SNED1: variants seen among roughly 807,000 people sequenced by gnomAD.
The protein encoded by SNED1 is sushi, nidogen and EGF-like domain-containing protein 1.
A neutral mutation model predicts 166.7 loss-of-function variants in SNED1; 81 were observed. The observed-to-expected ratio is 0.49, with a 90% CI of 0.41 to 0.58. SNED1 has a LOEUF of 0.58. Ranked by LOEUF, SNED1 falls within the 20% of genes least tolerant of loss-of-function variation. The pLI is 0.00. For missense variants in SNED1, 1,604 were observed against 2,000.2 expected (o/e 0.80, Z 3.78); for synonymous variants, 762 against 822.0 (o/e 0.93, Z 1.25).
rs1443415673 is a variant in SNED1 at position 241,071,969 on chromosome 2, C to T, written c.3817+91C>T. The T allele has an allele frequency of 4.6e-6, 5 of 1,087,126 alleles. No homozygotes were observed. The African/African-American group carries it at 6.2e-5, about 14-fold the overall frequency. 67.3% of individuals were successfully genotyped at this position (1,087,126 alleles called of 1,614,324 possible). On this transcript the variant is annotated intron_variant, in intron 26 of 31. Transcript: ENST00000310397. ...GGTCCTGTCCCCTACATGATGAGCCCACCCCCACCGCCAGCGCAGTCTCCA... is the reference window on the plus strand; with the variant it reads ...GGTCCTGTCCCCTACATGATGAGCCTACCCCCACCGCCAGCGCAGTCTCCA...
chr2:241,064,204 GCCCGCCTGCTC>G lies in SNED1; in HGVS notation c.2599+86_2599+96del. ...TCTGCCCGCCTGCTGCCCGCCCTCT[GCCCGCCTGCTC>G]CCCGCCCTCTGCCCGCCTGCTCCCC... On this transcript the variant is annotated intron_variant, in intron 19 of 31. Coordinates refer to ENST00000310397, the MANE Select transcript of SNED1 (RefSeq NM_001080437.3). This position sits in a 1 kb window ranked among gnomAD's most constrained non-coding sequence, Gnocchi z 7.0. 1 of 981,014 alleles carries G rather than the reference GCCCGCCTGCTC, an allele frequency of 1.0e-6. No individual in the cohort carries two copies. The highest frequency in any genetic ancestry group is 1.5e-6 in the Non-Finnish European group (1 of 683,418). 60.8% of individuals were successfully genotyped at this position (981,014 alleles called of 1,614,324 possible).
rs1276420638 is a variant in SNED1 at position 240,998,823 on chromosome 2, C to T, written c.-15C>T. ...CTGCTCCGCCAGCGCCCCGTCCCGC[C>T]CGCACACCTCCGCGATGCGGCACGG... On this transcript the variant is annotated 5_prime_UTR_variant, in exon 1 of 32. Transcript: ENST00000310397. 9 of 1,183,864 alleles carry T rather than the reference C, an allele frequency of 7.6e-6. No homozygotes were observed. Among genetic ancestry groups the T allele is most frequent in the Admixed American group, 4.4e-5 (1 of 22,892 alleles). The allele number at this position is 1,183,864 out of a possible 1,614,324, so 73.3% of individuals were successfully genotyped here.
chr2:241,084,590 G>T (rs1274936151), intron 29 of SNED1, among the ~76,000 whole-genome samples: 2 of 152,170 alleles, frequency 1.3e-5, no homozygotes, highest in Non-Finnish European at 2.9e-5. Flanking sequence ...ATTATTATCA[G>T]ACTTTTTCCT....
intron 16 of SNED1, among the ~76,000 whole-genome samples, chr2:241,056,483 A>C (rs1275938148): frequency 6.6e-6 from 1 of 152,152 alleles, no homozygotes; most frequent in Non-Finnish European, 1.5e-5. Context: ...AAGAAAAAAA[A>C]CCATAGAACT....
intron 24 of SNED1, 26 bp from the exon 25 acceptor site, chr2:241,071,550 G>T: frequency 6.4e-7 from 1 of 1,568,826 alleles, no homozygotes; most frequent in East Asian, 2.3e-5. Context: ...CCCCAGACCA[G>T]CCCCTTCCTC....
chr2:241,089,482 G>A, intron 31 of SNED1: 1 of 1,509,694 alleles, frequency 6.6e-7, no homozygotes, highest in Non-Finnish European at 8.9e-7. Context: ...CCCCCTTGGG[G>A]GAAAGGTCTG....
intron 27 of SNED1, among the ~76,000 whole-genome samples, chr2:241,079,178 C>T (rs190142957): frequency 0.017 from 2,514 of 145,348 alleles, 72 homozygotes; most frequent in African/African-American, 0.061. Context: ...TTTGGGAGGC[C>T]GAGGCAGGTG....
Position 241,033,374 on chromosome 2 carries a change from C to G in SNED1, c.502-361C>G, listed in dbSNP as rs576014269. On this transcript the variant is annotated intron_variant, in intron 2 of 31. Transcript: ENST00000310397. The stretch of plus-strand genomic sequence containing the variant: ...ACGGCTCTTCCTTGCTTCTTTTTAC[C>G]TTTCCTCTTTTCCTTTTTGCAATTT... 2.0e-4 allele frequency: 39 copies of G among 197,138 alleles called. No individual in the cohort carries two copies. In the Admixed American group the frequency reaches 2.1e-3, roughly 10 times the overall value. 12.2% of individuals were successfully genotyped at this position (197,138 alleles called of 1,614,324 possible).
chr2:241,030,632 G>T (rs983507698), intron 2 of SNED1, 61 bp downstream of exon 2: 76 of 1,529,018 alleles, frequency 5.0e-5, no homozygotes, highest in Non-Finnish European at 6.3e-6. Context: ...GGGTCTCCCC[G>T]CACCAGGGCT....
intron 1 of SNED1, among the ~76,000 whole-genome samples, chr2:241,014,958 G>C (rs563374895): frequency 7.9e-5 from 12 of 152,122 alleles, no homozygotes; most frequent in African/African-American, 2.9e-4. Flanking sequence ...GGCTGTTCCC[G>C]GGCTCTCCCT....
At chr2:241,081,923 C>A in intron 28 of SNED1, 130 bp downstream of exon 28, 1 of 716,498 alleles carries the variant, frequency 1.4e-6, no homozygotes, top group Non-Finnish European at 2.4e-6. Context: ...GAGTCTGGTG[C>A]ACGGGGCTGA....
intron 16 of SNED1, among the ~76,000 whole-genome samples, chr2:241,062,234 G>C (rs1043711990): frequency 6.6e-6 from 1 of 152,130 alleles, no homozygotes; most frequent in Non-Finnish European, 1.5e-5. Flanking sequence ...GTACACGGTC[G>C]GATGAGCCCA....
At chr2:241,079,389 G>C (rs2063214385) in intron 27 of SNED1, among the ~76,000 whole-genome samples, 1 of 150,712 alleles carries the variant, frequency 6.6e-6, no homozygotes, top group Admixed American at 6.6e-5. Context: ...TCCAGCCTGG[G>C]CGACAGAGTG....
rs113259079 is a variant in SNED1 at position 241,068,519 on chromosome 2, G to A, written c.3195-392G>A. Among the ~76,000 whole-genome samples, 2,897 of 152,172 alleles carry A rather than the reference G, an allele frequency of 0.019. 76 individuals are homozygous for A. Among genetic ancestry groups the A allele is most frequent in the African/African-American group, 0.066 (2,722 of 41,444 alleles). Reference sequence around the variant, plus strand: ...AGACTCCAGCCAGCAGCTTCCTGGGGCTGGGGTGGCATTGGCCTCACGTTG... The same window carrying A: ...AGACTCCAGCCAGCAGCTTCCTGGGACTGGGGTGGCATTGGCCTCACGTTG... On this transcript the variant is annotated intron_variant, in intron 22 of 31. Coordinates refer to ENST00000310397, the MANE Select transcript of SNED1 (RefSeq NM_001080437.3). This position sits in a 1 kb window ranked among gnomAD's most constrained non-coding sequence, Gnocchi z 5.3.
In SNED1 at chr2:241,087,450, A is replaced by C; in HGVS notation, c.4180A>C (p.Thr1394Pro). Reference protein sequence around the residue: ...DICFKESCESTSLKKTPNRKQ... With the variant: ...DICFKESCESPSLKKTPNRKQ... ...CTGCTTCAAAGAGAGCTGTGAAAGC[A>C]CAAGCCTCAAGAAGACCCCAAACAG... Residue 1394 changes from threonine (T) to proline (P), a missense_variant, in exon 30 of 32, where the codon ACA becomes CCA. By Grantham distance (38) the Thr-to-Pro change is conservative (BLOSUM62 -1). This residue lies in a region of SNED1 where 367 missense variants were observed against 379.4 expected (regional missense o/e 0.97). Coordinates refer to ENST00000310397, the MANE Select transcript of SNED1 (RefSeq NM_001080437.3). 6.2e-7 allele frequency: 1 copy of C among 1,603,054 alleles called. No individual in the cohort carries two copies. Among genetic ancestry groups the C allele is most frequent in the East Asian group, 2.3e-5 (1 of 44,370 alleles).
chr2:241,009,093 ACT>A (rs1456573751), intron 1 of SNED1, among the ~76,000 whole-genome samples: 2 of 151,920 alleles, frequency 1.3e-5, no homozygotes, highest in African/African-American at 4.8e-5. Context: ...CATGAGTAAG[ACT>A]CTCAGGTATG....
intron 10 of SNED1, 56 bp downstream of exon 10, chr2:241,048,822 A>G: frequency 2.1e-6 from 3 of 1,440,754 alleles, no homozygotes; most frequent in Non-Finnish European, 2.9e-6. Flanking sequence ...ATAATCGGGA[A>G]ATGAATGGTG....
intron 21 of SNED1, among the ~76,000 whole-genome samples, chr2:241,065,825 G>A (rs1020559227): frequency 2.0e-5 from 3 of 152,190 alleles, no homozygotes; most frequent in South Asian, 2.1e-4. Context: ...GCATAGAATC[G>A]AGCCAAGAGT....
chr2:241,028,602 C>T (rs2061059025), intron 1 of SNED1, among the ~76,000 whole-genome samples: 1 of 152,166 alleles, frequency 6.6e-6, no homozygotes, highest in African/African-American at 2.4e-5. Flanking sequence ...GATTATATAT[C>T]GAAGGCTTAT....
Sources: allele counts gnomAD v4.1 joint callset (sites outside exome capture counted in the v4.1 genomes callset), GRCh38; gene constraint gnomAD v4.1.1; regional missense constraint gnomAD v4.1.1; non-coding constraint Gnocchi (gnomAD v3.1); transcripts MANE v1.5; gene names NCBI Gene and HGNC (gene_info 2026-07-23, HGNC 2026-07-21).